The following MPPE1 variants were observed in gnomAD, a reference collection of about 807,000 sequenced individuals.
The protein encoded by MPPE1 is metallo phosphoesterase.
A neutral mutation model predicts 43.8 loss-of-function variants in MPPE1; 28 were observed. The observed-to-expected ratio is 0.64, with a 90% CI of 0.47 to 0.88. The LOEUF (loss-of-function observed/expected upper bound fraction) is 0.88. MPPE1 is among the 40% of genes least tolerant of loss of function. MPPE1 has a pLI of 0.00. For missense variants in MPPE1, 428 were observed against 492.2 expected (o/e 0.87, Z 1.23); for synonymous variants, 159 against 188.5 (o/e 0.84, Z 1.28).
In MPPE1 at chr18:11,897,136, G is replaced by A. The variant is rs754789101; in HGVS notation, c.129C>T (p.Tyr43=). ...GCCAATTACACTGAAAGATCGCTAA[G>A]TAATAGATTAAAAATTCACAAAATA... ...VLLFCEFLIY[Y]LAIFQCNWPE... The change falls in exon 3 of 11, where the codon TAC becomes TAT. Residue 43 remains tyrosine, a synonymous_variant. Coordinates refer to ENST00000588072, the MANE Select transcript of MPPE1 (RefSeq NM_023075.6). 1.4e-6 allele frequency: 2 copies of A among 1,425,364 alleles called. No homozygotes were observed. The highest frequency in any genetic ancestry group is 3.8e-5 in the Admixed American group (2 of 53,054). 88.3% of individuals were successfully genotyped at this position (1,425,364 alleles called of 1,614,324 possible).
chr18:11,899,433 T>C (rs1191328196), intron 2 of MPPE1, among the ~76,000 whole-genome samples: 1 of 152,368 alleles, frequency 6.6e-6, no homozygotes, highest in East Asian at 1.9e-4. Flanking sequence ...GCTATTTATG[T>C]ATAGTGGCTT....
chr18:11,885,121 G>A, intron 10 of MPPE1: 2 of 1,085,202 alleles, frequency 1.8e-6, no homozygotes, highest in East Asian at 6.8e-5. Flanking sequence ...AGTGGCAAAT[G>A]TTTTCATTTA....
chr18:11,892,355 G>GAAAAA (rs548540889), intron 4 of MPPE1, among the ~76,000 whole-genome samples: 1 of 93,418 alleles, frequency 1.1e-5, no homozygotes, highest in African/African-American at 3.6e-5. Flanking sequence ...GCACCAAAAA[G>GAAAAA]AAAAAAAAAA....
intron 10 of MPPE1, 92 bp from the exon 11 acceptor site, chr18:11,884,719 A>C: frequency 7.1e-7 from 1 of 1,415,164 alleles, no homozygotes; most frequent in Non-Finnish European, 9.7e-7. Context: ...CTGCCTTCTC[A>C]GGTCCCCCTC....
At chr18:11,893,644 C>G in intron 3 of MPPE1, 68 bp from the exon 4 acceptor site, 1 of 1,284,822 alleles carries the variant, frequency 7.8e-7, no homozygotes, top group Non-Finnish European at 1.1e-6. Context: ...CTGTATTATG[C>G]ACCATTTAAA....
At chr18:11,905,226 G>A (rs549538343) in intron 2 of MPPE1, 1 of 151,946 alleles carries the variant, frequency 6.6e-6, no homozygotes, top group African/African-American at 2.4e-5. Flanking sequence ...AAAATCAGTT[G>A]AACCTGGGAG....
At chr18:11,894,021 G>C (rs1161186703) in intron 3 of MPPE1, among the ~76,000 whole-genome samples, 1 of 152,130 alleles carries the variant, frequency 6.6e-6, no homozygotes, top group Non-Finnish European at 1.5e-5. Flanking sequence ...TTGGAGGGGA[G>C]ATGACAAGAG....
Position 11,890,135 on chromosome 18 carries a change from G to A in MPPE1, c.391-645C>T, listed in dbSNP as rs1351235861. On this transcript the variant is annotated intron_variant, in intron 4 of 10. Transcript: ENST00000588072. ...TTTTTTGTATTTTTAGTAGAGACGG[G>A]GTTTCACTGTGTTAGCCAGGATGGT... Among the ~76,000 whole-genome samples, 4 of 150,868 alleles carry A rather than the reference G, an allele frequency of 2.7e-5. No individual in the cohort carries two copies. The East Asian group carries it at 5.9e-4, about 22-fold the overall frequency.
chr18:11,886,278 G>A lies in MPPE1; in HGVS notation c.867+221C>T. On this transcript the variant is annotated intron_variant, in intron 9 of 10. Coordinates refer to ENST00000588072, the MANE Select transcript of MPPE1 (RefSeq NM_023075.6). This position sits in a 1 kb window ranked among gnomAD's most constrained non-coding sequence, Gnocchi z 4.1. ...TAGCTGAGACTATTACTGACTTGAGGGTAGGAAACAGAAGTAGGTTTACTG... is the reference window on the plus strand; with the variant it reads ...TAGCTGAGACTATTACTGACTTGAGAGTAGGAAACAGAAGTAGGTTTACTG... The A allele has an allele frequency of 1.7e-6, 1 of 581,650 alleles. No homozygotes were observed. The highest frequency in any genetic ancestry group is 3.0e-6 in the Non-Finnish European group (1 of 333,230). 36.0% of individuals were successfully genotyped at this position (581,650 alleles called of 1,614,324 possible). A position where few individuals can be genotyped will look rare whatever the true frequency, so the allele number is the denominator to read the frequency against.
intron 2 of MPPE1, among the ~76,000 whole-genome samples, chr18:11,898,773 T>C (rs1052193336): frequency 1.3e-5 from 2 of 152,106 alleles, no homozygotes; most frequent in African/African-American, 4.8e-5. Flanking sequence ...TATGATTTCA[T>C]TCCCAACCAA....
At chr18:11,891,505 C>T (rs2037999236) in intron 4 of MPPE1, 1 of 152,096 alleles carries the variant, frequency 6.6e-6, no homozygotes, top group African/African-American at 2.4e-5. Context: ...GTTAGAGTAA[C>T]ATAAAATCAG....
intron 1 of MPPE1, among the ~76,000 whole-genome samples, chr18:11,906,841 C>T (rs1345602981): frequency 7.7e-6 from 1 of 129,990 alleles, no homozygotes; most frequent in Non-Finnish European, 1.5e-5. Context: ...GCAACAAGAG[C>T]GAAACTCCGT....
At chr18:11,899,079 G>T (rs2038883092) in intron 2 of MPPE1, among the ~76,000 whole-genome samples, 1 of 151,144 alleles carries the variant, frequency 6.6e-6, no homozygotes, top group Non-Finnish European at 1.5e-5. Context: ...AGCTAATTTT[G>T]TTTTTTTGTA....
intron 10 of MPPE1, chr18:11,885,114 G>T: frequency 8.9e-7 from 1 of 1,126,670 alleles, no homozygotes; most frequent in African/African-American, 1.7e-5. Flanking sequence ...GAACAACAGT[G>T]GCAAATGTTT....
chr18:11,883,266 A>AAAT lies in MPPE1; in HGVS notation c.*1176_*1178dup, dbSNP rs1567912373. The AAAT allele has an allele frequency of 6.6e-6, 1 of 152,242 alleles. No individual in the cohort carries two copies. The highest frequency in any genetic ancestry group is 1.5e-5 in the Non-Finnish European group (1 of 68,036). The allele number at this position is 152,242 out of a possible 1,614,324, so 9.4% of individuals were successfully genotyped here. On this transcript the variant is annotated 3_prime_UTR_variant, in exon 11 of 11. Transcript: ENST00000588072. ...ATAAAGCCCTCAGCTGAACTAAGAT[A>AAAT]AATAATACAATGGAAATTATTTTCA...
At chr18:11,893,791 T>G (rs935396581) in intron 3 of MPPE1, among the ~76,000 whole-genome samples, 2 of 152,064 alleles carry the variant, frequency 1.3e-5, no homozygotes, top group African/African-American at 4.8e-5. Context: ...GGCCATCCCT[T>G]CCACACACCC....
chr18:11,889,340 C>G (rs377264191), intron 5 of MPPE1, 47 bp downstream of exon 5: 9 of 1,197,414 alleles, frequency 7.5e-6, no homozygotes, highest in African/African-American at 6.1e-5. Context: ...TTTAGAATTA[C>G]AGTTAACAAG....
chr18:11,893,640 T>A (rs552043908), intron 3 of MPPE1, 64 bp from the exon 4 acceptor site: 1 of 1,305,586 alleles, frequency 7.7e-7, no homozygotes, highest in African/African-American at 1.5e-5. Flanking sequence ...ACTTCTGTAT[T>A]ATGCACCATT....
At chr18:11,884,816 C>T in intron 10 of MPPE1, 189 bp from the exon 11 acceptor site, 1 of 1,397,698 alleles carries the variant, frequency 7.2e-7, no homozygotes, top group Non-Finnish European at 9.3e-7. Context: ...CCAGCCCAGG[C>T]TCCAGCAGGA....
Sources: gnomAD v4.1 joint callset for allele counts (sites outside exome capture counted in the v4.1 genomes callset) on GRCh38, gnomAD v4.1.1 for gene constraint, Gnocchi (gnomAD v3.1) non-coding constraint, MANE v1.5 for transcripts, NCBI Gene and HGNC (gene_info 2026-07-23, HGNC 2026-07-21) for gene names.